The following ARHGEF37 variants were observed in gnomAD, a reference collection of about 807,000 sequenced individuals.
ARHGEF37 encodes Rho guanine nucleotide exchange factor (GEF) 37.
A neutral mutation model predicts 71.1 loss-of-function variants in ARHGEF37; 55 were observed. The ratio of observed to expected loss-of-function variants is 0.77; its 90% CI spans 0.62 to 0.97. The LOEUF (loss-of-function observed/expected upper bound fraction) is 0.97. ARHGEF37 is among the 50% of genes least tolerant of loss of function. ARHGEF37 has a pLI of 0.00. For missense variants in ARHGEF37, 765 were observed against 836.8 expected (o/e 0.91, Z 1.06); for synonymous variants, 327 against 350.6 (o/e 0.93, Z 0.75).
chr5:149,606,534 C>G (rs1763917592), intron 3 of ARHGEF37: 1 of 152,244 alleles, frequency 6.6e-6, no homozygotes, highest in African/African-American at 2.4e-5. Flanking sequence ...TCCCTGGTTC[C>G]CCACCTGCCT....
chr5:149,568,301 A>G (rs1762921272), intron 1 of ARHGEF37, among the ~76,000 whole-genome samples: 1 of 152,158 alleles, frequency 6.6e-6, no homozygotes, highest in Non-Finnish European at 1.5e-5. Context: ...TGCTGTGATC[A>G]TAGGCATGAG....
At chr5:149,587,824 T>C (rs935829030) in intron 1 of ARHGEF37, among the ~76,000 whole-genome samples, 2 of 152,026 alleles carry the variant, frequency 1.3e-5, no homozygotes, top group African/African-American at 4.8e-5. Context: ...TCTATCTTTA[T>C]AAACCAGGCT....
At chr5:149,570,455 A>G (rs1215555490) in intron 1 of ARHGEF37, among the ~76,000 whole-genome samples, 1 of 151,710 alleles carries the variant, frequency 6.6e-6, no homozygotes, top group East Asian at 1.9e-4. Context: ...GGGCACCTGT[A>G]ATCACAGCTA....
At chr5:149,627,350 C>T (rs930705926) in intron 11 of ARHGEF37, 79 bp downstream of exon 11, 1 of 1,492,246 alleles carries the variant, frequency 6.7e-7, no homozygotes, top group East Asian at 2.3e-5. Context: ...CCCGGGCACT[C>T]TTGTGGGTCA....
At chr5:149,591,259 T>C (rs1763398174) in intron 1 of ARHGEF37, among the ~76,000 whole-genome samples, 1 of 151,862 alleles carries the variant, frequency 6.6e-6, no homozygotes, top group African/African-American at 2.4e-5. Flanking sequence ...GTTCCAGAGT[T>C]AATACTTCTG....
At chr5:149,609,176 C>CTCTA (rs1157206559) in intron 3 of ARHGEF37, among the ~76,000 whole-genome samples, 6 of 152,028 alleles carry the variant, frequency 3.9e-5, no homozygotes, top group Non-Finnish European at 8.8e-5. Flanking sequence ...AAGAGCAAGA[C>CTCTA]TCTATCTCAA....
chr5:149,600,097 A>G (rs6579744), intron 2 of ARHGEF37, among the ~76,000 whole-genome samples: 146,309 of 152,288 alleles, frequency 0.96, 70,373 homozygotes, highest in East Asian at 1. Context: ...CTCCTAGGCT[A>G]TAAGTGTGTT....
rs1763746173 is a variant in ARHGEF37 at position 149,601,205 on chromosome 5, AG to A, written c.286del (p.Glu96LysfsTer7). ...FLHDLQETAS[K>X]EEEQVQLVGN... ...CATGATCTGCAGGAGACAGCCTCCA[AG>A]GAAGAGGAACAAGTGCAGCTAGTTG... is the stretch of plus-strand genomic sequence containing the variant. On this transcript the variant is annotated frameshift_variant, in exon 3 of 13. Transcript: ENST00000333677. LOFTEE classifies it high-confidence loss of function. 4 of 1,612,926 alleles carry A rather than the reference AG, an allele frequency of 2.5e-6. No homozygotes were observed. Among genetic ancestry groups the A allele is most frequent in the South Asian group, 2.2e-5 (2 of 90,942 alleles).
rs1427276770 is a variant in ARHGEF37 at position 149,596,783 on chromosome 5, T to C, written c.-11-976T>C. Among the ~76,000 whole-genome samples, 36 of 151,972 alleles carry C rather than the reference T, an allele frequency of 2.4e-4. 1 individual carries two copies. Among genetic ancestry groups the C allele is most frequent in the Non-Finnish European group, 1.9e-4 (13 of 67,990 alleles). On this transcript the variant is annotated intron_variant, in intron 1 of 12. Coordinates refer to ENST00000333677, the MANE Select transcript of ARHGEF37 (RefSeq NM_001001669.3). ...CAAAAGCAGGAAATGCCAATGCAAG[T>C]ATGGAGAAGAGCGCTCAACTCTCTT...
chr5:149,604,647 A>G (rs1276107447), intron 3 of ARHGEF37, among the ~76,000 whole-genome samples: 2 of 146,174 alleles, frequency 1.4e-5, no homozygotes, highest in Non-Finnish European at 3.0e-5. Context: ...ATGCAAGGAG[A>G]GCCCTTTTCC....
intron 1 of ARHGEF37, among the ~76,000 whole-genome samples, chr5:149,562,928 T>TC (rs1420832890): frequency 6.6e-6 from 1 of 152,054 alleles, no homozygotes; most frequent in Non-Finnish European, 1.5e-5. Flanking sequence ...ATCATCCCCC[T>TC]CCCCCCTTGG....
intron 1 of ARHGEF37, among the ~76,000 whole-genome samples, chr5:149,564,822 C>CA (rs1036694177): frequency 7.2e-5 from 11 of 151,938 alleles, no homozygotes; most frequent in African/African-American, 2.7e-4. Context: ...GAAACTCTCT[C>CA]AAAAAAACAA....
At position 149,590,582 on chromosome 5, in the gene ARHGEF37, G is replaced by A. The variant is rs185097481; in HGVS notation, c.-11-7177G>A. Among the ~76,000 whole-genome samples the A allele has an allele frequency of 2.1e-5, 3 of 145,938 alleles. No individual in the cohort carries two copies. The Admixed American group carries it at 2.2e-4, about 11-fold the overall frequency. ...GGTGTGAGCCACCGCGTCTGGCCTG[G>A]CTATTTTATTCTTTTTTTTTTTTTT... On this transcript the variant is annotated intron_variant, in intron 1 of 12. Coordinates refer to ENST00000333677, the MANE Select transcript of ARHGEF37 (RefSeq NM_001001669.3).
At chr5:149,627,664 G>A (rs796556550) in intron 11 of ARHGEF37, among the ~76,000 whole-genome samples, 3 of 152,300 alleles carry the variant, frequency 2.0e-5, no homozygotes, top group African/African-American at 4.8e-5. Flanking sequence ...TGGCTACACC[G>A]CCAGAAGTCT....
chr5:149,632,551 G>A lies in ARHGEF37; in HGVS notation c.*360G>A, dbSNP rs1464300144. 2.7e-5 allele frequency: 7 copies of A among 260,324 alleles called. No homozygotes were observed. Among genetic ancestry groups the A allele is most frequent in the African/African-American group, 4.3e-5 (2 of 46,798 alleles). 16.1% of individuals were successfully genotyped at this position (260,324 alleles called of 1,614,324 possible). On this transcript the variant is annotated 3_prime_UTR_variant, in exon 13 of 13. Transcript: ENST00000333677. ...GCCTGCCTGTGGGCGTGGGTCACAC[G>A]GGATAATGTTACCTGCGTGCTGTGT...
chr5:149,617,161 T>C (rs576362907), intron 5 of ARHGEF37, among the ~76,000 whole-genome samples: 1 of 152,348 alleles, frequency 6.6e-6, no homozygotes, highest in Non-Finnish European at 1.5e-5. Context: ...TCACCAAAGT[T>C]AGGGCATCAT....
chr5:149,602,988 G>A (rs149170018), intron 3 of ARHGEF37, among the ~76,000 whole-genome samples: 1,555 of 151,930 alleles, frequency 0.01, 35 homozygotes, highest in African/African-American at 0.035. Context: ...GCTGGAGTGC[G>A]ATGGCATGAT....
In ARHGEF37 at chr5:149,609,641, A is replaced by G. The variant is rs1229141748; in HGVS notation, c.404A>G (p.Tyr135Cys). ...YDQALLLVDT[Y>C]RKEPELQRHI... ...CAGGCCTTGCTACTGGTGGACACGT[A>G]CCGGAAGGAGCCGGAGCTGCAGCGG... Residue 135 changes from tyrosine to cysteine, a missense_variant, in exon 4 of 13, where the codon TAC (tyrosine) becomes TGC (cysteine). Transcript: ENST00000333677. 2 of 1,612,984 alleles carry G rather than the reference A, an allele frequency of 1.2e-6. No homozygotes were observed. Among genetic ancestry groups the G allele is most frequent in the African/African-American group, 2.7e-5 (2 of 74,884 alleles).
At chr5:149,555,122 C>T (rs1305132490) in intron 1 of ARHGEF37, among the ~76,000 whole-genome samples, 1 of 141,268 alleles carries the variant, frequency 7.1e-6, no homozygotes, top group African/African-American at 2.6e-5. Flanking sequence ...CAGAGTGAGA[C>T]TCTGTCTCAA....
Sources: gnomAD v4.1 joint callset for allele counts (sites outside exome capture counted in the v4.1 genomes callset) on GRCh38, gnomAD v4.1.1 for gene constraint, MANE v1.5 for transcripts, NCBI Gene and HGNC (gene_info 2026-07-23, HGNC 2026-07-21) for gene names.